Variants in AUTS2 observed in about 807,000 individuals in gnomAD.
AUTS2 encodes the protein autism susceptibility gene 2 protein.
In AUTS2, 17 loss-of-function variants were observed where a neutral mutation model predicts 112.4. The ratio of observed to expected loss-of-function variants is 0.15; its 90% confidence interval spans 0.10 to 0.23. AUTS2 has a LOEUF of 0.23. AUTS2 is among the 10% of genes least tolerant of loss of function. The pLI, the probability that AUTS2 is intolerant of heterozygous loss-of-function variation, is 1.00. For missense variants in AUTS2, 1,510 were observed against 1,701.6 expected (o/e 0.89, Z 1.98); for synonymous variants, 751 against 702.7 (o/e 1.07, Z -1.09).
intron 4 of AUTS2, among the ~76,000 whole-genome samples, chr7:70,178,476 A>G (rs1020073444): frequency 6.6e-6 from 1 of 152,042 alleles, no homozygotes; most frequent in East Asian, 1.9e-4. Context: ...ACATCCTTAT[A>G]TATTATTAAA....
chr7:70,599,637 GGCGTATTTATTAAGGAGTGCCCT>G (rs1803372374), intron 5 of AUTS2, among the ~76,000 whole-genome samples: 1 of 152,192 alleles, frequency 6.6e-6, no homozygotes, highest in East Asian at 1.9e-4. Flanking sequence ...TTTAGCCAGT[GGCGTATTTATTAAGGAGTGCCCT>G]TTGGATCAAT....
intron 14 of AUTS2, chr7:70,781,377 AAAAAAAAC>A: frequency 2.8e-6 from 1 of 352,834 alleles, no homozygotes; most frequent in Non-Finnish European, 5.0e-6. Context: ...AAAAAAAAAA[AAAAAAAAC>A]CAGACCAAAC....
chr7:69,789,304 A>G (rs1424993206), intron 1 of AUTS2, among the ~76,000 whole-genome samples: 1 of 152,142 alleles, frequency 6.6e-6, no homozygotes, highest in Non-Finnish European at 1.5e-5. Context: ...AGACCAATTC[A>G]GTCAGAATCT....
intron 5 of AUTS2, among the ~76,000 whole-genome samples, chr7:70,685,472 CAAAAAAA>C (rs34403837): frequency 2.8e-3 from 186 of 65,966 alleles, no homozygotes; most frequent in South Asian, 7.9e-3. Context: ...GACTCTGTCT[CAAAAAAA>C]AAAAAAAAAA....
At chr7:70,191,924 A>G (rs969219730) in intron 4 of AUTS2, among the ~76,000 whole-genome samples, 4 of 151,808 alleles carry the variant, frequency 2.6e-5, no homozygotes, top group Non-Finnish European at 5.9e-5. Context: ...AAAATTAGCT[A>G]GGCGTGGTGG....
At chr7:69,997,509 A>G (rs977083889) in intron 2 of AUTS2, among the ~76,000 whole-genome samples, 8 of 152,178 alleles carry the variant, frequency 5.3e-5, no homozygotes, top group Admixed American at 6.5e-5. Flanking sequence ...GTAATTTATA[A>G]AGAAAGGAAG....
chr7:70,010,508 A>G (rs995862549), intron 2 of AUTS2, among the ~76,000 whole-genome samples: 3 of 152,144 alleles, frequency 2.0e-5, no homozygotes, highest in Non-Finnish European at 4.4e-5. Flanking sequence ...AAGTTTAGCA[A>G]TGTTCAAGAT....
chr7:69,858,514 G>T (rs181839762), intron 1 of AUTS2, among the ~76,000 whole-genome samples: 2 of 152,288 alleles, frequency 1.3e-5, no homozygotes, highest in Non-Finnish European at 2.9e-5. Flanking sequence ...CTGACTTTCT[G>T]TGAAACTCCA....
chr7:69,632,005 G>A (rs1463120768), intron 1 of AUTS2, among the ~76,000 whole-genome samples: 1 of 152,090 alleles, frequency 6.6e-6, no homozygotes, highest in Non-Finnish European at 1.5e-5. Flanking sequence ...TTGTTGTTCT[G>A]GTAATGCTGC....
chr7:69,735,649 C>T (rs963155285), intron 1 of AUTS2, among the ~76,000 whole-genome samples: 1 of 152,150 alleles, frequency 6.6e-6, no homozygotes, highest in African/African-American at 2.4e-5. Flanking sequence ...GTACCCTTAG[C>T]CAGAAGCCTT....
intron 1 of AUTS2, among the ~76,000 whole-genome samples, chr7:69,745,837 T>C (rs1254256254): frequency 6.6e-6 from 1 of 152,186 alleles, no homozygotes; most frequent in Non-Finnish European, 1.5e-5. Context: ...ATTGTGTTAC[T>C]GATAATGAAA....
At chr7:69,609,468 G>T (rs1485621024) in intron 1 of AUTS2, among the ~76,000 whole-genome samples, 1 of 152,048 alleles carries the variant, frequency 6.6e-6, no homozygotes, top group Non-Finnish European at 1.5e-5. Context: ...CTTTTATAAG[G>T]ATGTAAAATA....
intron 1 of AUTS2, among the ~76,000 whole-genome samples, chr7:69,827,206 C>T (rs1361503778): frequency 6.6e-6 from 1 of 152,156 alleles, no homozygotes; most frequent in African/African-American, 2.4e-5. Context: ...CCTTTACTCT[C>T]CTCTTTTCTC....
chr7:70,441,754 G>C (rs1257337848), intron 5 of AUTS2, among the ~76,000 whole-genome samples: 1 of 152,170 alleles, frequency 6.6e-6, no homozygotes, highest in Non-Finnish European at 1.5e-5. Context: ...GTGGGAAGGG[G>C]CTTCTAAGAA....
intron 2 of AUTS2, among the ~76,000 whole-genome samples, chr7:69,922,922 A>G (rs931757925): frequency 1.3e-5 from 2 of 152,216 alleles, no homozygotes; most frequent in African/African-American, 4.8e-5. Flanking sequence ...TGATGTTGAT[A>G]TTGTTCAAAA....
intron 1 of AUTS2, among the ~76,000 whole-genome samples, chr7:69,679,693 T>C (rs777984110): frequency 6.6e-6 from 1 of 152,244 alleles, no homozygotes; most frequent in Admixed American, 6.5e-5. Flanking sequence ...GTGTGTACTT[T>C]TGCATTTCTA....
intron 5 of AUTS2, among the ~76,000 whole-genome samples, chr7:70,666,418 G>T (rs1434704582): frequency 6.6e-6 from 1 of 152,174 alleles, no homozygotes; most frequent in Admixed American, 6.5e-5. Flanking sequence ...GGTTCTGGAA[G>T]GGAGACTTAG....
intron 1 of AUTS2, among the ~76,000 whole-genome samples, chr7:69,661,404 G>C (rs748627900): frequency 6.6e-6 from 1 of 152,170 alleles, no homozygotes; most frequent in African/African-American, 2.4e-5. Flanking sequence ...AGGTGGTTGG[G>C]GGAGGTGGGG....
chr7:70,166,583 T>C (rs947469217), intron 4 of AUTS2, among the ~76,000 whole-genome samples: 2 of 152,110 alleles, frequency 1.3e-5, no homozygotes, highest in Non-Finnish European at 2.9e-5. Context: ...GAACGTATAT[T>C]GTGAATTTTA....
Sources: gnomAD v4.1 joint callset for allele counts (sites outside exome capture counted in the v4.1 genomes callset) on GRCh38, gnomAD v4.1.1 for gene constraint, MANE v1.5 for transcripts, NCBI Gene and HGNC (gene_info 2026-07-23, HGNC 2026-07-21) for gene names.